The following SENP7 variants were observed in gnomAD, a reference collection of about 807,000 sequenced individuals.
SENP7 encodes SUMO specific peptidase 7, also known as sentrin-specific protease 7.
Under a neutral mutation model 141.2 loss-of-function variants are expected in SENP7, and 64 were observed. The observed-to-expected ratio is 0.45, with a 90% CI of 0.37 to 0.56. The LOEUF (loss-of-function observed/expected upper bound fraction) is 0.56. Ranked by LOEUF, SENP7 falls within the 20% of genes least tolerant of loss-of-function variation. The pLI is 0.00. For synonymous variants in SENP7, 382 were observed against 426.4 expected, an observed-to-expected ratio of 0.90 and a Z score of 1.28; for missense variants, 1,025 against 1,212.2, an observed-to-expected ratio of 0.85 and a Z score of 2.29.
At chr3:101,449,868 A>G (rs2063054169) in intron 4 of SENP7, among the ~76,000 whole-genome samples, 1 of 152,216 alleles carries the variant, frequency 6.6e-6, no homozygotes, top group Non-Finnish European at 1.5e-5. Flanking sequence ...ACATAACAAT[A>G]TTAACCTTAA....
At chr3:101,461,835 T>A (rs1240346741) in intron 3 of SENP7, among the ~76,000 whole-genome samples, 4 of 152,190 alleles carry the variant, frequency 2.6e-5, no homozygotes, top group African/African-American at 7.2e-5. Flanking sequence ...TAAAAAGAAC[T>A]AAACTACTAC....
Position 101,480,663 on chromosome 3 carries a change from G to A in SENP7, c.186+13210C>T, listed in dbSNP as rs142488867. ...CAAAAATAGACAATGGCTTCTGTAC[G>A]GCTAAGGAAACAATCAATAGAATGA... On this transcript the variant is annotated intron_variant, in intron 3 of 23. Transcript: ENST00000394095. Among the ~76,000 whole-genome samples, 21 of 152,024 alleles carry A rather than the reference G, an allele frequency of 1.4e-4. No individual in the cohort carries two copies. In the East Asian group the frequency reaches 3.1e-3, roughly 22 times the overall value.
intron 2 of SENP7, among the ~76,000 whole-genome samples, chr3:101,498,407 TAAG>T (rs1054782769): frequency 9.2e-5 from 14 of 152,174 alleles, no homozygotes; most frequent in Non-Finnish European, 1.8e-4. Flanking sequence ...TATAATGCAC[TAAG>T]AAGGTCATCA....
At position 101,404,546 on chromosome 3, in the gene SENP7, T is replaced by G. The variant is rs184499220; in HGVS notation, c.483-5491A>C. ...TTCATGACAAAAATGCCAAAAGCAA[T>G]TGCAACAAAAGCAAAAATTGACAAA... On this transcript the variant is annotated intron_variant, in intron 5 of 23. Coordinates refer to ENST00000394095, the MANE Select transcript of SENP7 (RefSeq NM_020654.5). 1.3e-4 allele frequency among the ~76,000 whole-genome samples: 20 copies of G among 152,154 alleles called. No individual in the cohort carries two copies. The East Asian group carries it at 3.9e-3, about 29-fold the overall frequency.
At chr3:101,482,428 C>G (rs1454098883) in intron 3 of SENP7, among the ~76,000 whole-genome samples, 1 of 151,764 alleles carries the variant, frequency 6.6e-6, no homozygotes, top group Non-Finnish European at 1.5e-5. Context: ...ACCAAATACA[C>G]AGAAAAATAT....
chr3:101,462,541 CAA>C, intron 3 of SENP7, among the ~76,000 whole-genome samples: 1 of 123,162 alleles, frequency 8.1e-6, no homozygotes, highest in African/African-American at 3.0e-5. Flanking sequence ...AACTCTGTCT[CAA>C]AAAAAAAAAA....
At chr3:101,460,313 G>C (rs2141181) in intron 3 of SENP7, among the ~76,000 whole-genome samples, 60,362 of 152,004 alleles carry the variant, frequency 0.4, 12,501 homozygotes, top group Admixed American at 0.54. Flanking sequence ...TATGAAGCTA[G>C]AGTAATCAAA....
At chr3:101,371,105 C>T (rs1036895786) in intron 7 of SENP7, among the ~76,000 whole-genome samples, 3 of 152,044 alleles carry the variant, frequency 2.0e-5, no homozygotes, top group African/African-American at 4.8e-5. Flanking sequence ...GCCTGGGCAA[C>T]ACGGCAAGAC....
At chr3:101,471,801 A>G (rs951104886) in intron 3 of SENP7, among the ~76,000 whole-genome samples, 10 of 152,174 alleles carry the variant, frequency 6.6e-5, no homozygotes, top group African/African-American at 1.9e-4. Flanking sequence ...CAAATTTACA[A>G]GAAAAAAACA....
At chr3:101,411,622 T>A (rs773766010) in intron 5 of SENP7, among the ~76,000 whole-genome samples, 2 of 152,166 alleles carry the variant, frequency 1.3e-5, no homozygotes, top group Non-Finnish European at 2.9e-5. Context: ...ATTAGCACAG[T>A]CAAGGACATT....
Position 101,325,913 on chromosome 3 carries a change from G to A in SENP7, c.*30C>T, listed in dbSNP as rs1247426894. The A allele has an allele frequency of 1.9e-6, 3 of 1,550,214 alleles. No individual in the cohort carries two copies. The highest frequency in any genetic ancestry group is 1.4e-5 in the African/African-American group (1 of 71,840). On this transcript the variant is annotated 3_prime_UTR_variant, in exon 24 of 24. Coordinates refer to ENST00000394095, the MANE Select transcript of SENP7 (RefSeq NM_020654.5). ...TAAGAGGCTTTCCAGTAATCTTAGA[G>A]AACATCTGTGTCATGTTTGTACAGA...
At chr3:101,447,852 T>C (rs927762126) in intron 4 of SENP7, among the ~76,000 whole-genome samples, 1 of 151,788 alleles carries the variant, frequency 6.6e-6, no homozygotes, top group Non-Finnish European at 1.5e-5. Flanking sequence ...AAAGTTGCAA[T>C]AGCACATAGC....
intron 11 of SENP7, chr3:101,358,781 CCCA>C (rs1482965892): frequency 6.4e-6 from 1 of 155,346 alleles, no homozygotes; most frequent in Non-Finnish European, 1.4e-5. Context: ...ATTGCAGGTG[CCCA>C]CCACTATGCC....
rs765009416 is a variant in SENP7, at chr3:101,364,815, G to A, written c.1476+19C>T. 1.3e-6 allele frequency: 2 copies of A among 1,510,136 alleles called. No individual in the cohort carries two copies. Among genetic ancestry groups the A allele is most frequent in the Non-Finnish European group, 1.8e-6 (2 of 1,108,708 alleles). 93.5% of individuals were successfully genotyped at this position (1,510,136 alleles called of 1,614,324 possible). Reference sequence around the variant, plus strand: ...TGTACATTTCATTGTTAATCTATGAGAAGACAGAAATAAATTACCTGTACA... The same window carrying A: ...TGTACATTTCATTGTTAATCTATGAAAAGACAGAAATAAATTACCTGTACA... On this transcript the variant is annotated intron_variant, in intron 10 of 23. Transcript: ENST00000394095.
intron 11 of SENP7, among the ~76,000 whole-genome samples, chr3:101,353,250 T>C (rs1044412429): frequency 5.9e-5 from 9 of 151,990 alleles, no homozygotes; most frequent in Non-Finnish European, 1.3e-4. Context: ...AAATCATTAG[T>C]ACTAAAAAAT....
intron 3 of SENP7, among the ~76,000 whole-genome samples, chr3:101,478,619 CA>C (rs1379281266): frequency 6.6e-6 from 1 of 152,084 alleles, no homozygotes; most frequent in Non-Finnish European, 1.5e-5. Context: ...ACCAAACTTA[CA>C]AAGAAGAATA....
chr3:101,503,054 C>A (rs9877181), intron 1 of SENP7, among the ~76,000 whole-genome samples: 60,399 of 151,914 alleles, frequency 0.4, 12,527 homozygotes, highest in Admixed American at 0.54. Context: ...TAAAGAACTC[C>A]TACAAAGCAA....
At chr3:101,332,681 T>C in intron 18 of SENP7, 89 bp downstream of exon 18, 1 of 784,732 alleles carries the variant, frequency 1.3e-6, no homozygotes, top group African/African-American at 1.8e-5. Flanking sequence ...TATGTGGCCA[T>C]AATTTTTACT....
intron 5 of SENP7, among the ~76,000 whole-genome samples, chr3:101,403,961 T>C (rs866717351): frequency 6.6e-6 from 1 of 152,100 alleles, no homozygotes; most frequent in African/African-American, 2.4e-5. Context: ...GGCTCATGGA[T>C]AGAAAGTATC....
Sources: allele counts gnomAD v4.1 joint callset (sites outside exome capture counted in the v4.1 genomes callset), GRCh38; gene constraint gnomAD v4.1.1; transcripts MANE v1.5; gene names NCBI Gene and HGNC (gene_info 2026-07-23, HGNC 2026-07-21).